SLC12A2: variants seen among roughly 807,000 people sequenced by gnomAD.
SLC12A2 encodes Na-K-2Cl cotransporter 1.
A neutral mutation model predicts 136.3 loss-of-function variants in SLC12A2; 67 were observed. The observed-to-expected ratio is 0.49, with a 90% CI of 0.40 to 0.60. The LOEUF (loss-of-function observed/expected upper bound fraction) is 0.60. Among genes scored for constraint, SLC12A2 ranks in the 20% least tolerant of loss-of-function variants. The pLI is 0.00. For synonymous variants in SLC12A2, 619 were observed against 562.9 expected (o/e 1.10, Z -1.41); for missense variants, 1,322 against 1,534.7 (o/e 0.86, Z 2.32).
In SLC12A2 at chr5:128,083,918, C is replaced by T. The variant is rs1759900688; in HGVS notation, c.-37C>T. On this transcript the variant is annotated 5_prime_UTR_variant, in exon 1 of 27. Transcript: ENST00000262461. Reference sequence around the variant, plus strand: ...TGGAGGGCGTGCTGCCGGAGACGTCCGCCGGGCTCTGCAGTTCCGCCGGGG... The same window carrying T: ...TGGAGGGCGTGCTGCCGGAGACGTCTGCCGGGCTCTGCAGTTCCGCCGGGG... 8.2e-7 allele frequency: 1 copy of T among 1,218,400 alleles called. No individual in the cohort carries two copies. Among genetic ancestry groups the T allele is most frequent in the Non-Finnish European group, 1.0e-6 (1 of 978,922 alleles). 75.5% of individuals were successfully genotyped at this position (1,218,400 alleles called of 1,614,324 possible).
intron 4 of SLC12A2, among the ~76,000 whole-genome samples, chr5:128,120,674 A>C (rs1421710744): frequency 6.6e-6 from 1 of 151,802 alleles, no homozygotes; most frequent in Non-Finnish European, 1.5e-5. Flanking sequence ...ACACATGGAC[A>C]CAGGAAGGGG....
intron 4 of SLC12A2, among the ~76,000 whole-genome samples, chr5:128,120,630 G>T (rs1394481870): frequency 6.6e-6 from 1 of 151,124 alleles, no homozygotes; most frequent in Admixed American, 6.6e-5. Context: ...AACACTGCAT[G>T]TTCTCACTCA....
chr5:128,156,510 C>CT (rs2126728742), intron 15 of SLC12A2, among the ~76,000 whole-genome samples: 1 of 152,218 alleles, frequency 6.6e-6, no homozygotes, highest in Admixed American at 6.5e-5. Flanking sequence ...CAAATTATAT[C>CT]TTTGTGGTTT....
At chr5:128,100,477 A>G (rs1374106254) in intron 1 of SLC12A2, among the ~76,000 whole-genome samples, 1 of 152,150 alleles carries the variant, frequency 6.6e-6, no homozygotes, top group Non-Finnish European at 1.5e-5. Flanking sequence ...ATATAATGCA[A>G]ATATTCCAAA....
At chr5:128,089,236 C>G (rs1274869918) in intron 1 of SLC12A2, among the ~76,000 whole-genome samples, 1 of 151,326 alleles carries the variant, frequency 6.6e-6, no homozygotes, top group Non-Finnish European at 1.5e-5. Context: ...AAAAGTGCAG[C>G]TGGAGGACAG....
Position 128,158,077 on chromosome 5 carries a change from T to A in SLC12A2, c.2388T>A (p.Gly796=). The change falls in exon 16 of 27, where the codon GGT becomes GGA. Residue 796 remains glycine (G), a synonymous_variant. Transcript: ENST00000262461. ...NFRPQCLVMT[G]APNSRPALLH... ...GGCCACAGTGTCTTGTTATGACAGGTGCTCCAAACTCACGTCCAGCTTTAC... is the reference window on the plus strand; with the variant it reads ...GGCCACAGTGTCTTGTTATGACAGGAGCTCCAAACTCACGTCCAGCTTTAC... 3 of 1,613,412 alleles carry A rather than the reference T, an allele frequency of 1.9e-6. No individual in the cohort carries two copies. The South Asian group carries it at 3.3e-5, about 18-fold the overall frequency.
rs183904756 is a variant in SLC12A2 at position 128,161,162 on chromosome 5, T to G, written c.2476-498T>G. Among the ~76,000 whole-genome samples, 133 of 152,334 alleles carry G rather than the reference T, an allele frequency of 8.7e-4. 1 individual carries two copies. The highest frequency in any genetic ancestry group is 3.1e-3 in the African/African-American group (129 of 41,576). On this transcript the variant is annotated intron_variant, in intron 16 of 26. Coordinates refer to ENST00000262461, the MANE Select transcript of SLC12A2 (RefSeq NM_001046.3). ...AATAAGAGTTATGAGTTAACAAAGT[T>G]CATTTAGTTTCTCCTGTTATTTCAT...
chr5:128,128,074 G>A (rs1167766476), intron 4 of SLC12A2, among the ~76,000 whole-genome samples: 2 of 151,820 alleles, frequency 1.3e-5, no homozygotes, highest in Admixed American at 6.5e-5. Context: ...TTCTAATTTC[G>A]CTTGTGATTT....
At chr5:128,155,725 T>C (rs1013440055) in intron 15 of SLC12A2, among the ~76,000 whole-genome samples, 1 of 152,170 alleles carries the variant, frequency 6.6e-6, no homozygotes, top group East Asian at 1.9e-4. Flanking sequence ...CCAGGGAAGT[T>C]CGGCATTGGT....
chr5:128,165,277 T>C (rs1763165822), intron 17 of SLC12A2, among the ~76,000 whole-genome samples: 1 of 152,256 alleles, frequency 6.6e-6, no homozygotes. Flanking sequence ...TTTAAATTTT[T>C]TGTAAGGCAA....
At position 128,126,966 on chromosome 5, in the gene SLC12A2, A is replaced by ATTTTTTTTT. The variant is rs1554105175; in HGVS notation, c.1049-4088_1049-4080dup. 9.9e-4 allele frequency among the ~76,000 whole-genome samples: 21 copies of ATTTTTTTTT among 21,152 alleles called. 1 individual carries two copies. Among genetic ancestry groups the ATTTTTTTTT allele is most frequent in the South Asian group, 2.2e-3 (1 of 456 alleles). 13.9% of individuals were successfully genotyped at this position (21,152 alleles called of 152,430 possible). ...CATATATATATATATATATATATAT[A>ATTTTTTTTT]TTTTTTTTTTTTTTTTTTTTTGCAT... On this transcript the variant is annotated intron_variant, in intron 4 of 26. Transcript: ENST00000262461.
chr5:128,102,596 C>CT (rs70997362), intron 1 of SLC12A2, among the ~76,000 whole-genome samples: 468 of 40,266 alleles, frequency 0.012, 96 homozygotes, highest in African/African-American at 0.015. Flanking sequence ...CCCCCCCCGC[C>CT]TTTTTTTTTT....
intron 23 of SLC12A2, among the ~76,000 whole-genome samples, chr5:128,182,018 T>C (rs892152692): frequency 2.0e-5 from 3 of 151,184 alleles, no homozygotes; most frequent in Non-Finnish European, 4.4e-5. Context: ...TTATGGCTGG[T>C]ATTATATTTA....
intron 5 of SLC12A2, among the ~76,000 whole-genome samples, chr5:128,131,755 C>T (rs751143225): frequency 6.6e-6 from 1 of 152,076 alleles, no homozygotes. Context: ...CCTGTAATCT[C>T]AGTACTATGG....
chr5:128,139,102 G>A (rs1561681897), intron 9 of SLC12A2, among the ~76,000 whole-genome samples, 194 bp downstream of exon 9: 1 of 151,836 alleles, frequency 6.6e-6, no homozygotes, highest in Non-Finnish European at 1.5e-5. Context: ...TATCTAAACC[G>A]CCAAATGCTT....
At chr5:128,105,278 T>C (rs143394494) in intron 1 of SLC12A2, among the ~76,000 whole-genome samples, 261 of 152,278 alleles carry the variant, frequency 1.7e-3, no homozygotes, top group African/African-American at 5.5e-3. Flanking sequence ...TTAACACATA[T>C]ACACGATGTT....
At chr5:128,151,704 A>G (rs1936884921) in intron 14 of SLC12A2, among the ~76,000 whole-genome samples, 1 of 152,150 alleles carries the variant, frequency 6.6e-6, no homozygotes, top group South Asian at 2.1e-4. Flanking sequence ...TGCACTCGGT[A>G]TATTTTTAAA....
Position 128,186,715 on chromosome 5 carries a change from C to T in SLC12A2, c.*84C>T. The T allele has an allele frequency of 7.4e-7, 1 of 1,345,704 alleles. No individual in the cohort carries two copies. Among genetic ancestry groups the T allele is most frequent in the East Asian group, 2.3e-5 (1 of 43,278 alleles). The allele number at this position is 1,345,704 out of a possible 1,614,324, so 83.4% of individuals were successfully genotyped here. On this transcript the variant is annotated 3_prime_UTR_variant, in exon 27 of 27. Coordinates refer to ENST00000262461, the MANE Select transcript of SLC12A2 (RefSeq NM_001046.3). ...GAAATCTTCAATGACACATTAACAT[C>T]ACAATGGCGAATGGTGACTTTTCTT...
At chr5:128,120,267 T>C (rs1444478002) in intron 4 of SLC12A2, among the ~76,000 whole-genome samples, 2 of 148,854 alleles carry the variant, frequency 1.3e-5, no homozygotes, top group Non-Finnish European at 3.0e-5. Flanking sequence ...GGTGGGACTG[T>C]AAACTAGTTC....
Sources: allele counts gnomAD v4.1 joint callset (sites outside exome capture counted in the v4.1 genomes callset), GRCh38; gene constraint gnomAD v4.1.1; transcripts MANE v1.5; gene names NCBI Gene and HGNC (gene_info 2026-07-23, HGNC 2026-07-21).